Variants in NOL4 observed in about 807,000 individuals in gnomAD.
The protein encoded by NOL4 is cancer/testis antigen 125.
Under a neutral mutation model 75.9 loss-of-function variants are expected in NOL4, and 17 were observed. That is an observed-to-expected ratio of 0.22 (90% CI 0.15 to 0.34). The LOEUF is 0.34. Ranked by LOEUF, NOL4 falls within the 10% of genes least tolerant of loss-of-function variation. NOL4 has a pLI of 1.00. For missense variants in NOL4, 614 were observed against 793.5 expected (o/e 0.77, Z 2.72); for synonymous variants, 292 against 289.9 (o/e 1.01, Z -0.07).
At chr18:33,853,679 G>C (rs1053798465) in intron 10 of NOL4, among the ~76,000 whole-genome samples, 3 of 151,962 alleles carry the variant, frequency 2.0e-5, no homozygotes, top group African/African-American at 7.2e-5. Flanking sequence ...ATTGGAATTT[G>C]CTTTAGAAGT....
chr18:34,059,307 T>A (rs1380251093), intron 5 of NOL4, among the ~76,000 whole-genome samples: 1 of 151,936 alleles, frequency 6.6e-6, no homozygotes, highest in Non-Finnish European at 1.5e-5. Flanking sequence ...CTGAAAGGAT[T>A]TATACCTCAC....
Position 33,958,271 on chromosome 18 carries a change from C to A in NOL4, c.1204G>T (p.Gly402Cys), listed in dbSNP as rs147765916. 1 of 1,613,686 alleles carries A rather than the reference C, an allele frequency of 6.2e-7. No homozygotes were observed. Among genetic ancestry groups the A allele is most frequent in the Non-Finnish European group, 8.5e-7 (1 of 1,179,732 alleles). Reference sequence around the variant, plus strand: ...GCTTTCAGCCGCTCGGCTTCAACGCCGTCTGTCTCATTAACTTTCTCCGAA... The same window carrying A: ...GCTTTCAGCCGCTCGGCTTCAACGCAGTCTGTCTCATTAACTTTCTCCGAA... ...DDSEKVNETDGVEAERLKAFN... is the reference protein window; with the variant it reads ...DDSEKVNETDCVEAERLKAFN... Residue 402 changes from glycine (G) to cysteine (C), a missense_variant, in exon 7 of 11, where the codon GGC becomes TGC. Physicochemically the swap from Gly to Cys is radical, Grantham distance 159. This residue lies in a region of NOL4 where 196 missense variants were observed against 167.9 expected (regional missense o/e 1.17). Coordinates refer to ENST00000261592, the MANE Select transcript of NOL4 (RefSeq NM_003787.5).
At chr18:34,148,212 C>T (rs2081489932) in intron 1 of NOL4, among the ~76,000 whole-genome samples, 1 of 151,996 alleles carries the variant, frequency 6.6e-6, no homozygotes, top group Non-Finnish European at 1.5e-5. Context: ...TCTCTATCTC[C>T]TTCAGTTCTG....
At chr18:33,933,251 T>C (rs949091657) in intron 9 of NOL4, among the ~76,000 whole-genome samples, 74 of 152,190 alleles carry the variant, frequency 4.9e-4, no homozygotes, top group Non-Finnish European at 1.2e-4. Context: ...AAACCGTTAT[T>C]GCTTAAAAAT....
intron 1 of NOL4, among the ~76,000 whole-genome samples, chr18:34,164,589 C>A (rs967435208): frequency 6.6e-6 from 1 of 152,044 alleles, no homozygotes; most frequent in African/African-American, 2.4e-5. Context: ...AGTCAGGAAA[C>A]AACAGGTGCT....
chr18:34,151,744 A>G (rs570981220), intron 1 of NOL4, among the ~76,000 whole-genome samples: 4 of 151,966 alleles, frequency 2.6e-5, no homozygotes, highest in African/African-American at 9.6e-5. Flanking sequence ...ATTGTAACCA[A>G]TGTACCACTT....
At position 34,026,715 on chromosome 18, in the gene NOL4, C is replaced by T. The variant is rs143736809; in HGVS notation, c.773-7114G>A. On this transcript the variant is annotated intron_variant, in intron 5 of 10. Coordinates refer to ENST00000261592, the MANE Select transcript of NOL4 (RefSeq NM_003787.5). ...TGTAATTTTTTAAATAATATAAATT[C>T]ATTATTTGATATACAAGATAATTTC... is the stretch of plus-strand genomic sequence containing the variant. 5.7e-4 allele frequency among the ~76,000 whole-genome samples: 87 copies of T among 152,144 alleles called. 2 individuals are homozygous for T. In the East Asian group the frequency reaches 0.014, roughly 24 times the overall value.
intron 1 of NOL4, among the ~76,000 whole-genome samples, chr18:34,209,489 GA>G (rs367954551): frequency 2.3e-3 from 349 of 152,172 alleles, no homozygotes; most frequent in African/African-American, 7.9e-3. Context: ...TGAAATCCAA[GA>G]AAAAATGGTT....
At position 33,868,134 on chromosome 18, in the gene NOL4, C is replaced by T. The variant is rs564670346; in HGVS notation, c.1724-15099G>A. 7.9e-5 allele frequency among the ~76,000 whole-genome samples: 12 copies of T among 151,274 alleles called. No homozygotes were observed. In the South Asian group the frequency reaches 2.3e-3, roughly 29 times the overall value. ...CTCATTGCAGCCTTGACCTCTAGAGCTCGAGTGATCCTCCCACCTCAGCCT... is the reference window on the plus strand; with the variant it reads ...CTCATTGCAGCCTTGACCTCTAGAGTTCGAGTGATCCTCCCACCTCAGCCT... On this transcript the variant is annotated intron_variant, in intron 10 of 10. Transcript: ENST00000261592.
chr18:34,000,244 C>T (rs2073601989), intron 6 of NOL4, among the ~76,000 whole-genome samples: 1 of 152,098 alleles, frequency 6.6e-6, no homozygotes, highest in African/African-American at 2.4e-5. Context: ...AGTCAACCTG[C>T]TCAGGAGCTG....
chr18:34,084,105 G>A (rs1481591665), intron 5 of NOL4, among the ~76,000 whole-genome samples: 1 of 152,202 alleles, frequency 6.6e-6, no homozygotes, highest in African/African-American at 2.4e-5. Flanking sequence ...CATATGAGGT[G>A]TCTGGAGAGT....
chr18:33,922,444 C>A lies in NOL4; in HGVS notation c.1542+20621G>T, dbSNP rs921452133. Among the ~76,000 whole-genome samples the A allele has an allele frequency of 3.9e-5, 6 of 152,250 alleles. No homozygotes were observed. In the East Asian group the frequency reaches 1.2e-3, roughly 29 times the overall value. On this transcript the variant is annotated intron_variant, in intron 9 of 10. Transcript: ENST00000261592. ...AATGAAATAATTTGATTATTATCTA[C>A]ATAAAGTTATTTTTTAGGAAAAATG... is the stretch of plus-strand genomic sequence containing the variant.
At chr18:34,207,897 C>T (rs759384621) in intron 1 of NOL4, among the ~76,000 whole-genome samples, 3 of 152,164 alleles carry the variant, frequency 2.0e-5, no homozygotes, top group African/African-American at 4.8e-5. Flanking sequence ...GCACTGCCAC[C>T]ATCACATCAG....
intron 5 of NOL4, among the ~76,000 whole-genome samples, chr18:34,046,613 T>TATATATATATATAC (rs2076381426): frequency 9.6e-6 from 1 of 103,644 alleles, no homozygotes; most frequent in Non-Finnish European, 2.2e-5. Context: ...TATACATATA[T>TATATATATATATAC]ATATATATAT....
intron 2 of NOL4, among the ~76,000 whole-genome samples, chr18:34,119,823 A>C (rs1268505073): frequency 2.6e-5 from 4 of 151,788 alleles, no homozygotes; most frequent in African/African-American, 9.7e-5. Context: ...GGGGTTTCAC[A>C]GTGTTAGCCA....
At chr18:33,872,247 A>G (rs1567984976) in intron 10 of NOL4, among the ~76,000 whole-genome samples, 1 of 151,960 alleles carries the variant, frequency 6.6e-6, no homozygotes, top group Admixed American at 6.6e-5. Flanking sequence ...TCACAATTAA[A>G]TTCTTTTAAA....
chr18:33,980,335 A>G (rs1272480536), intron 6 of NOL4, among the ~76,000 whole-genome samples: 1 of 152,122 alleles, frequency 6.6e-6, no homozygotes, highest in Admixed American at 6.6e-5. Flanking sequence ...CTGTCCTCAC[A>G]AGTTGTGAGC....
intron 6 of NOL4, among the ~76,000 whole-genome samples, chr18:33,962,035 G>T (rs1244129487): frequency 6.6e-6 from 1 of 151,980 alleles, no homozygotes; most frequent in African/African-American, 2.4e-5. Flanking sequence ...CCAATCCCTT[G>T]GGTACCAACC....
At chr18:34,009,671 G>C (rs1343309268) in intron 6 of NOL4, among the ~76,000 whole-genome samples, 1 of 151,796 alleles carries the variant, frequency 6.6e-6, no homozygotes, top group African/African-American at 2.4e-5. Flanking sequence ...TTCCTGATCG[G>C]GAAATAATTA....
Sources: allele counts gnomAD v4.1 joint callset (sites outside exome capture counted in the v4.1 genomes callset), GRCh38; gene constraint gnomAD v4.1.1; regional missense constraint gnomAD v4.1.1; transcripts MANE v1.5; gene names NCBI Gene and HGNC (gene_info 2026-07-23, HGNC 2026-07-21).